The following LDB1 variants were observed in gnomAD, a reference collection of about 807,000 sequenced individuals.
The protein encoded by LDB1 is LIM domain-binding protein 1.
In LDB1, 6 loss-of-function variants were observed where a neutral mutation model predicts 49.7. That is an observed-to-expected ratio of 0.12 (90% CI 0.07 to 0.24). The LOEUF is 0.24. Ranked by LOEUF, LDB1 falls within the 10% of genes least tolerant of loss-of-function variation. LDB1 has a pLI of 1.00. For missense variants in LDB1, 341 were observed against 561.7 expected (o/e 0.61, Z 3.97); for synonymous variants, 233 against 202.0 (o/e 1.15, Z -1.30).
At chr10:102,120,449 CCTCGCG>C (rs1225916065), upstream of LDB1, 22 of 964,944 alleles carry the variant, frequency 2.3e-5, no homozygotes, top group Middle Eastern at 5.3e-4. Flanking sequence ...CCCTCTCCGC[CCTCGCG>C]CTCGCGCTCC....
intron 10 of LDB1, 23 bp from the exon 11 acceptor site, chr10:102,108,346 A>G: frequency 2.5e-6 from 4 of 1,597,506 alleles, no homozygotes; most frequent in Middle Eastern, 1.7e-4. Context: ...GAGGTCCCCA[A>G]ACATAATCGG....
At chr10:102,111,204 C>T (rs2068247783) in intron 3 of LDB1, 52 bp downstream of exon 3, 2 of 1,612,092 alleles carry the variant, frequency 1.2e-6, no homozygotes, top group African/African-American at 1.3e-5. Flanking sequence ...CACCCCCTAC[C>T]TCGGCCTTCA....
intron 4 of LDB1, 21 bp from the exon 5 acceptor site, chr10:102,110,992 T>G: frequency 6.2e-7 from 1 of 1,612,074 alleles, no homozygotes; most frequent in Non-Finnish European, 8.5e-7. Context: ...TGGTAACGGG[T>G]GTTCATGTGT....
At chr10:102,110,328 C>G in intron 6 of LDB1, 1 of 642,788 alleles carries the variant, frequency 1.6e-6, no homozygotes, top group Non-Finnish European at 2.7e-6. Flanking sequence ...CTTGTTCACT[C>G]GTGTAGCCTT....
downstream of LDB1, among the ~76,000 whole-genome samples, chr10:102,102,444 G>A (rs2133488658): frequency 6.6e-6 from 1 of 152,312 alleles, no homozygotes; most frequent in South Asian, 2.1e-4. Context: ...TTTCTCCAGG[G>A]ACTGGCCCTA....
chr10:102,108,408 C>T, intron 10 of LDB1, 85 bp from the exon 11 acceptor site: 7 of 1,050,774 alleles, frequency 6.7e-6, no homozygotes, highest in Non-Finnish European at 8.5e-6. Context: ...GCCCCAGTAC[C>T]CACCCTGGAA....
At chr10:102,120,593 A>G (rs1403514758), upstream of LDB1, 1 of 167,434 alleles carries the variant, frequency 6.0e-6, no homozygotes, top group Non-Finnish European at 1.2e-5. Context: ...GCAAGCGACG[A>G]CGTGCGTGCG....
At chr10:102,112,163 CCAAT>C (rs1288098805) in intron 1 of LDB1, among the ~76,000 whole-genome samples, 1 of 152,160 alleles carries the variant, frequency 6.6e-6, no homozygotes, top group African/African-American at 2.4e-5. Flanking sequence ...AAATAAATAT[CCAAT>C]CATTAGAATC....
intron 1 of LDB1, among the ~76,000 whole-genome samples, chr10:102,118,644 C>G (rs1007117635): frequency 1.3e-5 from 2 of 152,338 alleles, no homozygotes; most frequent in Admixed American, 6.5e-5. Flanking sequence ...ACTCATCCCT[C>G]TAGCTTGTTC....
downstream of LDB1, among the ~76,000 whole-genome samples, chr10:102,104,983 A>G (rs1226505148): frequency 3.3e-5 from 5 of 152,206 alleles, no homozygotes; most frequent in Non-Finnish European, 7.3e-5. Flanking sequence ...ATTTGAATGA[A>G]TTAATTAACC....
At chr10:102,110,482 AT>A in intron 6 of LDB1, 46 bp downstream of exon 6, 1 of 1,573,128 alleles carries the variant, frequency 6.4e-7, no homozygotes, top group Non-Finnish European at 8.6e-7. Context: ...GAGGATGGGA[AT>A]CAAACCCAGG....
intron 1 of LDB1, among the ~76,000 whole-genome samples, chr10:102,112,423 T>C (rs1246780813): frequency 6.6e-6 from 1 of 152,104 alleles, no homozygotes; most frequent in Non-Finnish European, 1.5e-5. Context: ...GAGACCAAAG[T>C]GGGGGAGGAA....
rs1353731068 is a variant in LDB1, at chr10:102,109,925, A to G, written c.644T>C (p.Met215Thr). ...RELIPRSILA[M>T]HAQDPQMLDQ... ...TGGGTCCTGCCCACGACTCACATGC[A>G]TGGCAAGGATGCTGCGGGGGATGAG... The change falls in exon 7 of 11, where the codon ATG (methionine) becomes ACG (threonine). Residue 215 changes from methionine (M) to threonine (T), a missense_variant. Met to Thr is a moderately conservative substitution (Grantham distance 81). This residue lies in a region of LDB1 where 233 missense variants were observed against 385.7 expected (regional missense o/e 0.60). Coordinates refer to ENST00000673968, the MANE Select transcript of LDB1 (RefSeq NM_001113407.3). The surrounding 1 kb of genome is among the most constrained non-coding windows in gnomAD (Gnocchi z 5.8). 4.4e-6 allele frequency: 7 copies of G among 1,608,218 alleles called. No homozygotes were observed. Among genetic ancestry groups the G allele is most frequent in the Non-Finnish European group, 5.9e-6 (7 of 1,179,230 alleles).
At chr10:102,110,198 C>A (rs2068231697) in intron 6 of LDB1, among the ~76,000 whole-genome samples, 155 bp from the exon 7 acceptor site, 1 of 152,086 alleles carries the variant, frequency 6.6e-6, no homozygotes, top group Non-Finnish European at 1.5e-5. Flanking sequence ...CAGTACCCCC[C>A]ACCCATATAC....
intron 1 of LDB1, among the ~76,000 whole-genome samples, chr10:102,112,043 C>CA (rs2068263487): frequency 6.6e-6 from 1 of 152,130 alleles, no homozygotes; most frequent in South Asian, 2.1e-4. Context: ...CATTAAGAAA[C>CA]AAGAGTAGTC....
chr10:102,121,009 C>G (rs182460740), upstream of LDB1, among the ~76,000 whole-genome samples: 26 of 152,296 alleles, frequency 1.7e-4, no homozygotes, highest in Non-Finnish European at 3.4e-4. Flanking sequence ...GTAGCAACCC[C>G]TCAACTCACC....
chr10:102,113,735 C>T (rs904501055), intron 1 of LDB1, among the ~76,000 whole-genome samples: 14 of 149,350 alleles, frequency 9.4e-5, no homozygotes, highest in Non-Finnish European at 1.6e-4. Flanking sequence ...GGAGGCAGGA[C>T]GCCTGGGTTT....
rs558516308 is a variant in LDB1, at chr10:102,106,541, C to CA, written c.*1551dup. 4.5e-3 allele frequency among the ~76,000 whole-genome samples: 80 copies of CA among 17,778 alleles called. 28 individuals are homozygous for CA. Among genetic ancestry groups the CA allele is most frequent in the Non-Finnish European group, 5.7e-3 (54 of 9,518 alleles). 11.7% of individuals were successfully genotyped at this position (17,778 alleles called of 152,430 possible). On this transcript the variant is annotated 3_prime_UTR_variant, in exon 11 of 11. Coordinates refer to ENST00000673968, the MANE Select transcript of LDB1 (RefSeq NM_001113407.3). ...GGTACCATACATGACTCAAATGGCC[C>CA]AAAAAAAAAAAAAAAAAAAAAAAAA...
intron 5 of LDB1, 78 bp from the exon 6 acceptor site, chr10:102,110,779 A>G (rs2068240683): frequency 6.3e-7 from 1 of 1,580,226 alleles, no homozygotes; most frequent in African/African-American, 1.3e-5. Context: ...ACCAATCTAG[A>G]TATCCCCTGG....
Sources: gnomAD v4.1 joint callset for allele counts (sites outside exome capture counted in the v4.1 genomes callset) on GRCh38, gnomAD v4.1.1 for gene constraint, gnomAD v4.1.1 regional missense constraint, Gnocchi (gnomAD v3.1) non-coding constraint, MANE v1.5 for transcripts, NCBI Gene and HGNC (gene_info 2026-07-23, HGNC 2026-07-21) for gene names.